Variants in HECW2 observed in about 807,000 individuals in gnomAD.
HECW2 encodes the protein HECT, C2 and WW domain containing E3 ubiquitin protein ligase 2.
In HECW2, 61 loss-of-function variants were observed where a neutral mutation model predicts 175.2. The observed-to-expected ratio is 0.35, with a 90% CI of 0.28 to 0.43. The LOEUF (loss-of-function observed/expected upper bound fraction) is 0.43, where lower values mean the gene tolerates loss of function less well. Among genes scored for constraint, HECW2 ranks in the 20% least tolerant of loss-of-function variants. The pLI is 1.00. For missense variants in HECW2, 1,524 were observed against 2,000.5 expected (o/e 0.76, Z 4.54); for synonymous variants, 671 against 731.0 (o/e 0.92, Z 1.32).
chr2:196,203,691 G>A (rs1319178408), intron 28 of HECW2, among the ~76,000 whole-genome samples: 1 of 152,006 alleles, frequency 6.6e-6, no homozygotes, highest in East Asian at 1.9e-4. Flanking sequence ...TAACTTTTCA[G>A]TATTTTTATT....
At chr2:196,305,368 A>T (rs2105702232) in intron 13 of HECW2, among the ~76,000 whole-genome samples, 1 of 152,334 alleles carries the variant, frequency 6.6e-6, no homozygotes, top group East Asian at 1.9e-4. Context: ...ACCAGGAGAC[A>T]ATGATGAGGA....
chr2:196,237,560 A>G (rs1688299604), intron 21 of HECW2, among the ~76,000 whole-genome samples: 1 of 152,144 alleles, frequency 6.6e-6, no homozygotes, highest in African/African-American at 2.4e-5. Context: ...CATGGTGTAT[A>G]TATATACCAT....
chr2:196,400,875 A>G (rs1157069729), intron 2 of HECW2, among the ~76,000 whole-genome samples: 1 of 151,670 alleles, frequency 6.6e-6, no homozygotes, highest in Non-Finnish European at 1.5e-5. Context: ...ACTTGTGTCT[A>G]CTTAAAATAT....
intron 2 of HECW2, among the ~76,000 whole-genome samples, chr2:196,385,966 C>CGG: frequency 6.6e-6 from 1 of 151,064 alleles, no homozygotes; most frequent in East Asian, 2.0e-4. Flanking sequence ...AGAACTTCTT[C>CGG]CTATTAACAT....
chr2:196,525,748 G>T (rs1329151544), intron 1 of HECW2, among the ~76,000 whole-genome samples: 37 of 149,222 alleles, frequency 2.5e-4, no homozygotes, highest in Middle Eastern at 6.8e-3. Context: ...GCTTAGTTTG[G>T]CTGGATATGA....
chr2:196,216,341 A>G (rs1687474772), intron 27 of HECW2, among the ~76,000 whole-genome samples: 1 of 152,168 alleles, frequency 6.6e-6, no homozygotes, highest in Non-Finnish European at 1.5e-5. Context: ...ATGTCGGGTG[A>G]ATTTAAAAAA....
intron 1 of HECW2, among the ~76,000 whole-genome samples, chr2:196,513,718 G>T (rs1305728579): frequency 6.6e-6 from 1 of 152,172 alleles, no homozygotes; most frequent in African/African-American, 2.4e-5. Context: ...AATAGTCCTG[G>T]TATATAAGTC....
At chr2:196,516,645 C>A (rs762139576) in intron 1 of HECW2, among the ~76,000 whole-genome samples, 1 of 152,136 alleles carries the variant, frequency 6.6e-6, no homozygotes, top group African/African-American at 2.4e-5. Flanking sequence ...TAGTCCCTTA[C>A]TGAAAAATAT....
At chr2:196,245,436 G>T (rs772860767) in intron 19 of HECW2, among the ~76,000 whole-genome samples, 7 of 152,216 alleles carry the variant, frequency 4.6e-5, no homozygotes, top group Non-Finnish European at 5.9e-5. Context: ...AAGTGATGCA[G>T]GTGGACAAGG....
chr2:196,364,155 C>T (rs1285566609), intron 2 of HECW2, among the ~76,000 whole-genome samples: 1 of 152,200 alleles, frequency 6.6e-6, no homozygotes, highest in Non-Finnish European at 1.5e-5. Flanking sequence ...TGATTCTTTG[C>T]CTTCCAAATA....
intron 1 of HECW2, among the ~76,000 whole-genome samples, chr2:196,511,718 G>C (rs930199025): frequency 1.5e-4 from 23 of 152,190 alleles, no homozygotes; most frequent in Non-Finnish European, 3.2e-4. Context: ...GGTTAGTATT[G>C]CATGAGAAAA....
At chr2:196,450,052 G>C (rs1696298780) in intron 1 of HECW2, among the ~76,000 whole-genome samples, 1 of 152,196 alleles carries the variant, frequency 6.6e-6, no homozygotes, top group African/African-American at 2.4e-5. Flanking sequence ...GCCAGGCTGA[G>C]AACCAGAAAG....
intron 19 of HECW2, among the ~76,000 whole-genome samples, chr2:196,248,124 T>C (rs1433508071): frequency 6.6e-6 from 1 of 152,246 alleles, no homozygotes; most frequent in Non-Finnish European, 1.5e-5. Context: ...TTTTGCTTTA[T>C]TCTCTGAGTA....
intron 1 of HECW2, among the ~76,000 whole-genome samples, chr2:196,495,295 C>T (rs997079794): frequency 7.9e-5 from 12 of 151,788 alleles, no homozygotes. Context: ...CTCAATCTCC[C>T]GATCTCGTGA....
chr2:196,274,645 G>A (rs1032428554), intron 15 of HECW2, among the ~76,000 whole-genome samples: 15 of 152,200 alleles, frequency 9.9e-5, no homozygotes, highest in African/African-American at 3.6e-4. Context: ...ATCTCCTCAG[G>A]AGCAATTCTC....
intron 2 of HECW2, among the ~76,000 whole-genome samples, chr2:196,415,194 C>G (rs982847820): frequency 4.6e-5 from 7 of 152,072 alleles, no homozygotes; most frequent in Non-Finnish European, 1.0e-4. Flanking sequence ...TTATCTTTGT[C>G]AAAAACATAT....
rs370311888 is a variant in HECW2 at position 196,197,358 on chromosome 2, C to T, written c.*3919G>A. ...CTCAGCTATTAGGGCTTACTAGATC[C>T]ATCCCTATTAAAAATTTAAAAATAA... On this transcript the variant is annotated 3_prime_UTR_variant, in exon 29 of 29. Transcript: ENST00000644978. 1.0e-3 allele frequency: 150 copies of T among 149,976 alleles called. No individual in the cohort carries two copies. The highest frequency in any genetic ancestry group is 3.2e-3 in the African/African-American group (132 of 40,678). 9.3% of individuals were successfully genotyped at this position (149,976 alleles called of 1,614,324 possible). A position where few individuals can be genotyped will look rare whatever the true frequency, so the allele number is the denominator to read the frequency against.
chr2:196,407,856 C>T (rs368263233), intron 2 of HECW2, among the ~76,000 whole-genome samples: 1 of 152,224 alleles, frequency 6.6e-6, no homozygotes, highest in Non-Finnish European at 1.5e-5. Flanking sequence ...TAGCACAGTG[C>T]GTGGTACCTT....
At chr2:196,318,465 C>A (rs1055539251) in intron 9 of HECW2, 87 bp downstream of exon 9, 20 of 1,358,860 alleles carry the variant, frequency 1.5e-5, no homozygotes, top group Non-Finnish European at 1.1e-5. Context: ...TAACCTGCAG[C>A]CTTATTTACA....
Sources: gnomAD v4.1 joint callset for allele counts (sites outside exome capture counted in the v4.1 genomes callset) on GRCh38, gnomAD v4.1.1 for gene constraint, MANE v1.5 for transcripts, NCBI Gene and HGNC (gene_info 2026-07-23, HGNC 2026-07-21) for gene names.